The following MMP26 variants were observed in gnomAD, a reference collection of about 807,000 sequenced individuals.
The protein encoded by MMP26 is matrix metalloproteinase-26.
Under a neutral mutation model 31.0 loss-of-function variants are expected in MMP26, and 33 were observed. The ratio of observed to expected loss-of-function variants is 1.06; its 90% confidence interval spans 0.81 to 1.42. The LOEUF (loss-of-function observed/expected upper bound fraction) is 1.42, where lower values mean the gene tolerates loss of function less well. MMP26 is among the 40% of genes most tolerant of loss of function. The probability of loss-of-function intolerance (pLI) is 0.00; values close to 1 mark genes in which losing one functional copy is unlikely to be tolerated. For missense variants in MMP26, 347 were observed against 316.1 expected, an observed-to-expected ratio of 1.10 and a Z score of -0.74; for synonymous variants, 122 against 114.9, an observed-to-expected ratio of 1.06 and a Z score of -0.40.
At chr11:4,803,920 C>T (rs1380250956) in intron 2 of MMP26, 3 of 1,613,260 alleles carry the variant, frequency 1.9e-6, no homozygotes, top group South Asian at 1.1e-5. Flanking sequence ...CAGCAGCCCT[C>T]TCAGCATCAC....
At chr11:4,858,154 G>A (rs1850085180) in intron 2 of MMP26, among the ~76,000 whole-genome samples, 1 of 152,090 alleles carries the variant, frequency 6.6e-6, no homozygotes, top group Admixed American at 6.5e-5. Flanking sequence ...CATTCCCTTT[G>A]AAAACTGGCA....
chr11:4,782,847 T>C (rs901103114), intron 2 of MMP26, among the ~76,000 whole-genome samples: 1 of 152,268 alleles, frequency 6.6e-6, no homozygotes, highest in East Asian at 1.9e-4. Flanking sequence ...CTTCAGAGGG[T>C]GCAAGGCTCA....
At chr11:4,984,488 A>ACTCACTT (rs1254380639) in intron 2 of MMP26, among the ~76,000 whole-genome samples, 8 of 152,072 alleles carry the variant, frequency 5.3e-5, no homozygotes, top group Admixed American at 1.3e-4. Context: ...TTAAGTATTC[A>ACTCACTT]CTCACTTCTG....
intron 2 of MMP26, among the ~76,000 whole-genome samples, chr11:4,893,288 TC>T (rs1193570222): frequency 6.6e-6 from 1 of 152,300 alleles, no homozygotes. Context: ...AATCCTTCAT[TC>T]TTCCAATATT....
intron 1 of MMP26, among the ~76,000 whole-genome samples, chr11:4,728,584 A>G (rs994170015): frequency 2.6e-5 from 4 of 152,166 alleles, no homozygotes; most frequent in African/African-American, 9.7e-5. Context: ...TATGGATGCT[A>G]TTTTAAAAAG....
At chr11:4,909,853 C>T (rs16907254) in intron 2 of MMP26, among the ~76,000 whole-genome samples, 14,915 of 152,072 alleles carry the variant, frequency 0.098, 1,099 homozygotes, top group East Asian at 0.35. Flanking sequence ...TCATTCAGTA[C>T]CTGCTTTTCT....
At chr11:4,934,539 G>C (rs868793420) in intron 2 of MMP26, among the ~76,000 whole-genome samples, 2,028 of 144,590 alleles carry the variant, frequency 0.014, 54 homozygotes, top group Middle Eastern at 0.061. Context: ...TGTTCACTCT[G>C]ATGGTAGTTT....
At chr11:4,756,743 T>C (rs1324649609) in intron 1 of MMP26, 1 of 151,652 alleles carries the variant, frequency 6.6e-6, no homozygotes, top group Non-Finnish European at 1.5e-5. Context: ...TTCAGTAACA[T>C]GACAAAGGTC....
intron 1 of MMP26, among the ~76,000 whole-genome samples, chr11:4,745,095 T>A (rs1053760345): frequency 1.3e-5 from 2 of 152,190 alleles, no homozygotes; most frequent in South Asian, 4.1e-4. Context: ...GTTATGAAAA[T>A]TATAAATTTT....
At chr11:4,760,228 T>A (rs944491888) in intron 1 of MMP26, among the ~76,000 whole-genome samples, 8 of 152,240 alleles carry the variant, frequency 5.3e-5, no homozygotes, top group Admixed American at 2.0e-4. Context: ...CTCCATAGAA[T>A]GACAAAATGA....
intron 2 of MMP26, chr11:4,882,879 A>C: frequency 2.5e-6 from 4 of 1,609,510 alleles, no homozygotes; most frequent in Non-Finnish European, 3.4e-6. Flanking sequence ...GGAAGATGGG[A>C]TTGAAGGTAG....
At chr11:4,976,765 T>C (rs1846742951) in intron 2 of MMP26, among the ~76,000 whole-genome samples, 1 of 152,090 alleles carries the variant, frequency 6.6e-6, no homozygotes, top group Non-Finnish European at 1.5e-5. Flanking sequence ...TGAATTGCTA[T>C]ACTGCATGTA....
chr11:4,763,191 C>A (rs975544437), intron 1 of MMP26, among the ~76,000 whole-genome samples: 1 of 152,026 alleles, frequency 6.6e-6, no homozygotes, highest in Non-Finnish European at 1.5e-5. Context: ...ATGAAGTCTG[C>A]ATCAAAGAAG....
At chr11:4,821,783 C>T (rs762110543) in intron 2 of MMP26, 4 of 1,613,242 alleles carry the variant, frequency 2.5e-6, no homozygotes, top group Admixed American at 3.3e-5. Context: ...CTGGCCATGG[C>T]CTTTGATCGT....
At chr11:4,817,140 T>C (rs1849432539) in intron 2 of MMP26, among the ~76,000 whole-genome samples, 1 of 152,078 alleles carries the variant, frequency 6.6e-6, no homozygotes, top group Non-Finnish European at 1.5e-5. Context: ...AAATATAAAA[T>C]CATAGCTATA....
intron 2 of MMP26, among the ~76,000 whole-genome samples, chr11:4,839,952 A>G (rs1589916282): frequency 6.6e-6 from 1 of 152,036 alleles, no homozygotes; most frequent in African/African-American, 2.4e-5. Flanking sequence ...CACTGACCTG[A>G]AGGGTGAGTT....
At chr11:4,989,319 A>C (rs532274078) in intron 3 of MMP26, among the ~76,000 whole-genome samples, 9 of 152,342 alleles carry the variant, frequency 5.9e-5, no homozygotes, top group African/African-American at 1.9e-4. Flanking sequence ...GAAAGACCAG[A>C]GGCCATCTTC....
chr11:4,825,417 G>A (rs888044253), intron 2 of MMP26, among the ~76,000 whole-genome samples: 1 of 152,062 alleles, frequency 6.6e-6, no homozygotes, highest in Non-Finnish European at 1.5e-5. Flanking sequence ...TTTTAGAGCT[G>A]TATAATCTAT....
At chr11:4,743,839 A>T (rs1331774919) in intron 1 of MMP26, among the ~76,000 whole-genome samples, 1 of 152,122 alleles carries the variant, frequency 6.6e-6, no homozygotes, top group Non-Finnish European at 1.5e-5. Flanking sequence ...AGGGTCTCAC[A>T]GTGTCATCTA....
Sources: allele counts gnomAD v4.1 joint callset (sites outside exome capture counted in the v4.1 genomes callset), GRCh38; gene constraint gnomAD v4.1.1; transcripts MANE v1.5; gene names NCBI Gene and HGNC (gene_info 2026-07-23, HGNC 2026-07-21).